The following TENM3 variants were observed in gnomAD, a reference collection of about 807,000 sequenced individuals.
TENM3 encodes the protein teneurin transmembrane protein 3, also known as teneurin-3.
A neutral mutation model predicts 255.1 loss-of-function variants in TENM3; 63 were observed. That is an observed-to-expected ratio of 0.25 (90% CI 0.20 to 0.30). The LOEUF is 0.30. TENM3 is among the 10% of genes least tolerant of loss of function. The probability of loss-of-function intolerance (pLI) is 1.00; values close to 1 mark genes in which losing one functional copy is unlikely to be tolerated. For missense variants in TENM3, 2,929 were observed against 3,461.1 expected (o/e 0.85, Z 3.86); for synonymous variants, 1,306 against 1,322.3 (o/e 0.99, Z 0.27).
the TENM3 span, among the ~76,000 whole-genome samples, chr4:182,034,229 A>T: frequency 3.3e-5 from 5 of 152,180 alleles, no homozygotes; most frequent in Non-Finnish European, 7.4e-5. Context: ...CCCCACCCTT[A>T]ACACACAGTG....
At chr4:181,730,425 C>T in the TENM3 span, among the ~76,000 whole-genome samples, 5 of 152,114 alleles carry the variant, frequency 3.3e-5, no homozygotes, top group African/African-American at 7.2e-5. Context: ...GGAGTTTAGT[C>T]GTAGGAGTTT....
the TENM3 span, among the ~76,000 whole-genome samples, chr4:181,605,589 G>GAGAGAGAGAGAGAGAGAAAGAAAGAAAGA: frequency 2.8e-5 from 1 of 35,740 alleles, no homozygotes; most frequent in African/African-American, 9.5e-5. Flanking sequence ...AGAAAGGAAA[G>GAGAGAGAGAGAGAGAGAAAGAAAGAAAGA]AAAGAAAGAA....
At chr4:181,454,223 C>CTACA in the TENM3 span, among the ~76,000 whole-genome samples, 70 of 152,220 alleles carry the variant, frequency 4.6e-4, 1 homozygote, top group East Asian at 0.012. Flanking sequence ...CTATAACATT[C>CTACA]TACATCATGA....
the TENM3 span, among the ~76,000 whole-genome samples, chr4:181,577,176 TTATATTATATATTATA>T: frequency 4.5e-5 from 6 of 132,676 alleles, no homozygotes; most frequent in African/African-American, 1.7e-4. Flanking sequence ...ATATATTATA[TTATATTATATATTATA>T]TATATTATAT....
chr4:182,248,194 G>A (rs1045119055), intron 1 of TENM3, among the ~76,000 whole-genome samples: 6 of 151,986 alleles, frequency 3.9e-5, no homozygotes, highest in African/African-American at 7.3e-5. Flanking sequence ...AAACCACCAC[G>A]GCACACGCAT....
At chr4:181,967,674 A>G in the TENM3 span, among the ~76,000 whole-genome samples, 23 of 152,094 alleles carry the variant, frequency 1.5e-4, no homozygotes, top group Admixed American at 1.4e-3. Flanking sequence ...TAAGAGGGCC[A>G]TTTTCAAATC....
chr4:181,915,407 G>A, the TENM3 span, among the ~76,000 whole-genome samples: 1 of 152,228 alleles, frequency 6.6e-6, no homozygotes, highest in Admixed American at 6.5e-5. Flanking sequence ...AATTTCTTGT[G>A]AGATATCAAA....
At chr4:181,873,348 C>T in the TENM3 span, among the ~76,000 whole-genome samples, 1 of 152,170 alleles carries the variant, frequency 6.6e-6, no homozygotes. Context: ...GGGTAACAGG[C>T]GTGAGCCACC....
At chr4:181,668,566 A>G in the TENM3 span, among the ~76,000 whole-genome samples, 1 of 152,086 alleles carries the variant, frequency 6.6e-6, no homozygotes, top group Non-Finnish European at 1.5e-5. Flanking sequence ...ATATTTACAT[A>G]GTGTCCTTCT....
At chr4:181,729,735 C>A in the TENM3 span, among the ~76,000 whole-genome samples, 4 of 152,112 alleles carry the variant, frequency 2.6e-5, no homozygotes, top group Non-Finnish European at 5.9e-5. Context: ...GTTGCCCTGC[C>A]GGCCCACGAG....
At chr4:182,705,913 C>A (rs938790563) in intron 12 of TENM3, among the ~76,000 whole-genome samples, 10 of 152,080 alleles carry the variant, frequency 6.6e-5, no homozygotes, top group Admixed American at 2.6e-4. Flanking sequence ...TTCCAAACTT[C>A]GGATTTTTTA....
At chr4:181,800,835 C>T in the TENM3 span, among the ~76,000 whole-genome samples, 1 of 152,136 alleles carries the variant, frequency 6.6e-6, no homozygotes, top group African/African-American at 2.4e-5. Context: ...CAGGTACTTA[C>T]TAACTGTAAC....
At chr4:182,797,805 C>A (rs1273330166) in intron 27 of TENM3, among the ~76,000 whole-genome samples, 1 of 152,152 alleles carries the variant, frequency 6.6e-6, no homozygotes, top group Non-Finnish European at 1.5e-5. Context: ...TTCCCAACCA[C>A]CCCTTGAGCA....
chr4:182,187,177 A>G (rs986326001), intron 1 of TENM3, among the ~76,000 whole-genome samples: 59 of 152,188 alleles, frequency 3.9e-4, no homozygotes, highest in Admixed American at 8.5e-4. Flanking sequence ...TATTTAAAGT[A>G]TAAACAAAAT....
intron 3 of TENM3, among the ~76,000 whole-genome samples, chr4:182,362,750 G>T (rs924363678): frequency 9.2e-5 from 14 of 152,244 alleles, no homozygotes; most frequent in Admixed American, 7.2e-4. Flanking sequence ...CCACTGTCTG[G>T]CACTCCCTAG....
the TENM3 span, among the ~76,000 whole-genome samples, chr4:181,858,995 G>A: frequency 6.6e-6 from 1 of 151,950 alleles, no homozygotes; most frequent in African/African-American, 2.4e-5. Context: ...AGGAGAGGAG[G>A]CAGGAAGCAG....
the TENM3 span, among the ~76,000 whole-genome samples, chr4:181,776,821 A>G: frequency 0.26 from 40,195 of 151,850 alleles, 6,725 homozygotes; most frequent in Non-Finnish European, 0.38. Flanking sequence ...TGCAGCCTGG[A>G]TATATTAATC....
the TENM3 span, among the ~76,000 whole-genome samples, chr4:181,930,710 C>CA: frequency 2.0e-5 from 3 of 151,946 alleles, no homozygotes; most frequent in African/African-American, 7.3e-5. Context: ...AGACACACAA[C>CA]AAAAAAAGAA....
At chr4:182,065,870 C>G in the TENM3 span, among the ~76,000 whole-genome samples, 1 of 152,186 alleles carries the variant, frequency 6.6e-6, no homozygotes, top group African/African-American at 2.4e-5. Flanking sequence ...AGCGAATTCC[C>G]TCATAAGGAA....
Sources: allele counts gnomAD v4.1 joint callset (sites outside exome capture counted in the v4.1 genomes callset), GRCh38; gene constraint gnomAD v4.1.1; transcripts MANE v1.5; gene names NCBI Gene and HGNC (gene_info 2026-07-23, HGNC 2026-07-21).